Variants in BMERB1 observed in about 807,000 individuals in gnomAD.
The protein encoded by BMERB1 is bMERB domain-containing protein 1.
In BMERB1, 12 loss-of-function variants were observed where a neutral mutation model predicts 23.6. The observed-to-expected ratio is 0.51, with a 90% CI of 0.33 to 0.82. The LOEUF (loss-of-function observed/expected upper bound fraction) is 0.82. Ranked by LOEUF, BMERB1 falls within the 40% of genes least tolerant of loss-of-function variation. The pLI is 0.03. For missense variants in BMERB1, 247 were observed against 255.4 expected, an observed-to-expected ratio of 0.97 and a Z score of 0.22; for synonymous variants, 122 against 96.6, an observed-to-expected ratio of 1.26 and a Z score of -1.54.
chr16:15,502,428 G>T, intron 1 of BMERB1: 1 of 1,428,118 alleles, frequency 7.0e-7, no homozygotes, highest in Non-Finnish European at 9.7e-7. Context: ...GGCAGGCTGG[G>T]AGAAATCGAG....
intron 2 of BMERB1, among the ~76,000 whole-genome samples, chr16:15,554,096 C>G (rs1433366375): frequency 1.3e-5 from 2 of 152,190 alleles, no homozygotes; most frequent in African/African-American, 4.8e-5. Context: ...TGCCTGGAAT[C>G]TTTTCCTGAC....
chr16:15,519,543 A>G (rs987510902), intron 2 of BMERB1, among the ~76,000 whole-genome samples: 2 of 152,084 alleles, frequency 1.3e-5, no homozygotes, highest in African/African-American at 4.8e-5. Context: ...GGTGCCCACC[A>G]CCATGCCCAG....
intron 2 of BMERB1, among the ~76,000 whole-genome samples, chr16:15,556,749 C>T (rs1476919113): frequency 6.6e-6 from 1 of 152,054 alleles, no homozygotes; most frequent in African/African-American, 2.4e-5. Context: ...CCACGCCCAG[C>T]TAATTTTTGT....
intron 2 of BMERB1, among the ~76,000 whole-genome samples, chr16:15,547,589 T>A (rs1331591132): frequency 6.6e-6 from 1 of 151,864 alleles, no homozygotes; most frequent in Non-Finnish European, 1.5e-5. Context: ...AGGTGATGCA[T>A]CCGCCTTGGG....
intron 5 of BMERB1, among the ~76,000 whole-genome samples, chr16:15,585,550 G>A (rs1361672942): frequency 3.9e-5 from 6 of 152,024 alleles, no homozygotes; most frequent in Non-Finnish European, 5.9e-5. Flanking sequence ...TGAAAAACCC[G>A]GCCGGGCACA....
chr16:15,577,387 T>C (rs879249254), intron 3 of BMERB1, among the ~76,000 whole-genome samples: 3 of 152,228 alleles, frequency 2.0e-5, no homozygotes, highest in African/African-American at 4.8e-5. Flanking sequence ...TTCACTCCTG[T>C]ATCATTAGCA....
intron 2 of BMERB1, among the ~76,000 whole-genome samples, chr16:15,554,309 G>T (rs775818972): frequency 2.0e-5 from 3 of 152,096 alleles, no homozygotes; most frequent in Non-Finnish European, 4.4e-5. Flanking sequence ...TCTTTATCCT[G>T]TCTAAGAGAT....
At chr16:15,574,371 C>G (rs2030806961) in intron 3 of BMERB1, among the ~76,000 whole-genome samples, 1 of 152,096 alleles carries the variant, frequency 6.6e-6, no homozygotes, top group Admixed American at 6.6e-5. Flanking sequence ...AACCGTATCA[C>G]CTACAAATGC....
At chr16:15,583,024 C>A (rs938415211) in intron 4 of BMERB1, 132 bp from the exon 5 acceptor site, 19 of 728,358 alleles carry the variant, frequency 2.6e-5, no homozygotes, top group Admixed American at 2.1e-4. Context: ...ACTGTACACG[C>A]ATAACACGTG....
intron 2 of BMERB1, chr16:15,536,989 C>A (rs2052031485): frequency 6.6e-6 from 1 of 152,074 alleles, no homozygotes; most frequent in Non-Finnish European, 1.5e-5. Context: ...GCAGTGGGAG[C>A]CTCTCTCTCT....
intron 1 of BMERB1, among the ~76,000 whole-genome samples, chr16:15,468,202 G>A (rs1479167034): frequency 1.7e-5 from 2 of 115,364 alleles, no homozygotes; most frequent in Non-Finnish European, 3.3e-5. Flanking sequence ...CTGGAGTGCA[G>A]TGGCACGATC....
chr16:15,501,864 C>T (rs946420026), intron 1 of BMERB1, among the ~76,000 whole-genome samples: 4 of 152,220 alleles, frequency 2.6e-5, no homozygotes, highest in African/African-American at 9.6e-5. Flanking sequence ...GTGATATGCC[C>T]ACCACCCTTG....
Position 15,435,016 on chromosome 16 carries a change from C to T in BMERB1, c.106+257C>T, listed in dbSNP as rs571339281. 9.2e-5 allele frequency among the ~76,000 whole-genome samples: 14 copies of T among 152,354 alleles called. No individual in the cohort carries two copies. In the East Asian group the frequency reaches 2.5e-3, roughly 27 times the overall value. ...GGCAGCTAAGGCAGGAGCCTGGGCT[C>T]GACTTAGGAGTCCCGGATCCGTCAG... On this transcript the variant is annotated intron_variant, in intron 1 of 5. Coordinates refer to ENST00000300006, the MANE Select transcript of BMERB1 (RefSeq NM_033201.3).
chr16:15,447,354 A>G (rs144249279), intron 1 of BMERB1, among the ~76,000 whole-genome samples: 35 of 152,292 alleles, frequency 2.3e-4, no homozygotes, highest in African/African-American at 7.7e-4. Context: ...ATACTTATCA[A>G]ACAACCAGAT....
chr16:15,499,455 G>C (rs990361685), intron 1 of BMERB1, among the ~76,000 whole-genome samples: 1 of 151,982 alleles, frequency 6.6e-6, no homozygotes, highest in Non-Finnish European at 1.5e-5. Flanking sequence ...GCTCTCCTCT[G>C]CTCCCTTTGT....
At chr16:15,513,053 A>G (rs1454667662) in intron 1 of BMERB1, among the ~76,000 whole-genome samples, 1 of 152,100 alleles carries the variant, frequency 6.6e-6, no homozygotes, top group Non-Finnish European at 1.5e-5. Flanking sequence ...GCAGATACAG[A>G]TGATGTGATG....
intron 1 of BMERB1, among the ~76,000 whole-genome samples, chr16:15,446,661 A>C (rs944078658): frequency 6.6e-6 from 1 of 152,200 alleles, no homozygotes; most frequent in Non-Finnish European, 1.5e-5. Flanking sequence ...TAATTCTGCT[A>C]CCTTCCTAAT....
chr16:15,492,833 C>G (rs891601745), intron 1 of BMERB1, among the ~76,000 whole-genome samples: 2 of 151,882 alleles, frequency 1.3e-5, no homozygotes, highest in Non-Finnish European at 2.9e-5. Flanking sequence ...GCAGGAGAAT[C>G]GCTTGAACCC....
chr16:15,581,481 C>T (rs1338797664), intron 4 of BMERB1, 150 bp downstream of exon 4: 151 of 564,084 alleles, frequency 2.7e-4, no homozygotes, highest in Non-Finnish European at 1.6e-5. Context: ...TCCCAAGGAA[C>T]CCCAGCCTTC....
Sources: allele counts gnomAD v4.1 joint callset (sites outside exome capture counted in the v4.1 genomes callset), GRCh38; gene constraint gnomAD v4.1.1; transcripts MANE v1.5; gene names NCBI Gene and HGNC (gene_info 2026-07-23, HGNC 2026-07-21).